SLC35F1: variants seen among roughly 807,000 people sequenced by gnomAD.
SLC35F1 encodes chromosome 6 open reading frame 169.
In SLC35F1, 14 loss-of-function variants were observed where a neutral mutation model predicts 48.7. That is an observed-to-expected ratio of 0.29 (90% CI 0.19 to 0.45). The LOEUF (loss-of-function observed/expected upper bound fraction) is 0.45, where lower values mean the gene tolerates loss of function less well. Among genes scored for constraint, SLC35F1 ranks in the 20% least tolerant of loss-of-function variants. The pLI is 1.00. For missense variants in SLC35F1, 404 were observed against 500.0 expected (o/e 0.81, Z 1.83); for synonymous variants, 190 against 202.2 (o/e 0.94, Z 0.51).
Position 117,971,607 on chromosome 6 carries a change from T to C in SLC35F1, c.173+63708T>C, listed in dbSNP as rs144409410. Among the ~76,000 whole-genome samples, 1,185 of 152,372 alleles carry C rather than the reference T, an allele frequency of 7.8e-3. 18 individuals are homozygous for C. Among genetic ancestry groups the C allele is most frequent in the African/African-American group, 0.027 (1,126 of 41,580 alleles). On this transcript the variant is annotated intron_variant, in intron 1 of 7. Coordinates refer to ENST00000360388, the MANE Select transcript of SLC35F1 (RefSeq NM_001029858.4). ...GCTTCTGCCTGGACATCCAGTCATT[T>C]CCATACATCCTCTGAAATCTAAGTG...
At chr6:118,074,740 C>A (rs1772792881) in intron 1 of SLC35F1, among the ~76,000 whole-genome samples, 1 of 152,170 alleles carries the variant, frequency 6.6e-6, no homozygotes, top group Non-Finnish European at 1.5e-5. Flanking sequence ...GCGTTGACCT[C>A]CTGGGCTCAA....
At chr6:118,291,341 T>TA (rs1554245312) in intron 7 of SLC35F1, among the ~76,000 whole-genome samples, 2 of 151,270 alleles carry the variant, frequency 1.3e-5, no homozygotes, top group Admixed American at 6.6e-5. Context: ...GGAAGATACA[T>TA]AAAAAAAGTC....
intron 1 of SLC35F1, among the ~76,000 whole-genome samples, chr6:118,116,870 G>A (rs935326885): frequency 1.9e-4 from 29 of 152,082 alleles, no homozygotes; most frequent in Admixed American, 5.2e-4. Flanking sequence ...ATTGAGTGAC[G>A]CCTTGGAGAT....
At chr6:118,202,932 G>A (rs1774889930) in intron 2 of SLC35F1, among the ~76,000 whole-genome samples, 1 of 152,158 alleles carries the variant, frequency 6.6e-6, no homozygotes, top group South Asian at 2.1e-4. Context: ...CAGTTTAAGT[G>A]GTAATTCCAA....
At chr6:118,294,831 A>G (rs1258700821) in intron 7 of SLC35F1, among the ~76,000 whole-genome samples, 1 of 152,016 alleles carries the variant, frequency 6.6e-6, no homozygotes, top group Non-Finnish European at 1.5e-5. Flanking sequence ...AAAAAAAAAA[A>G]GAGAGATTTC....
chr6:118,096,790 G>C (rs1273023246), intron 1 of SLC35F1, among the ~76,000 whole-genome samples: 1 of 152,052 alleles, frequency 6.6e-6, no homozygotes, highest in East Asian at 1.9e-4. Flanking sequence ...GAATCATGAT[G>C]GGAAACATAT....
chr6:117,976,730 C>G (rs1776709836), intron 1 of SLC35F1, among the ~76,000 whole-genome samples: 1 of 152,178 alleles, frequency 6.6e-6, no homozygotes. Flanking sequence ...CCCCTGATTT[C>G]AAAAGTAGTA....
chr6:118,283,824 T>C (rs1776014793), intron 6 of SLC35F1, among the ~76,000 whole-genome samples: 1 of 152,186 alleles, frequency 6.6e-6, no homozygotes, highest in African/African-American at 2.4e-5. Context: ...GAAACCCACA[T>C]GCAGAAAAAC....
intron 2 of SLC35F1, among the ~76,000 whole-genome samples, chr6:118,182,560 G>GAAGGAAGGAAGGAAGT: frequency 6.8e-6 from 1 of 147,214 alleles, no homozygotes; most frequent in African/African-American, 2.6e-5. Context: ...AGGAAGGAAG[G>GAAGGAAGGAAGGAAGT]AAGAAAAAAA....
At chr6:118,275,827 G>T (rs1213155997) in intron 5 of SLC35F1, among the ~76,000 whole-genome samples, 3 of 152,060 alleles carry the variant, frequency 2.0e-5, no homozygotes, top group Non-Finnish European at 4.4e-5. Flanking sequence ...AACACTTAAT[G>T]TTTATAAAAC....
At chr6:118,052,536 C>T (rs1485443300) in intron 1 of SLC35F1, among the ~76,000 whole-genome samples, 1 of 152,154 alleles carries the variant, frequency 6.6e-6, no homozygotes, top group African/African-American at 2.4e-5. Context: ...TGGAAACCAG[C>T]ACAGAATTTT....
chr6:118,071,766 C>A (rs1326379235), intron 1 of SLC35F1, among the ~76,000 whole-genome samples: 3 of 152,104 alleles, frequency 2.0e-5, no homozygotes, highest in African/African-American at 4.8e-5. Flanking sequence ...CTTTTAAGCA[C>A]CTGCTATGGC....
intron 1 of SLC35F1, among the ~76,000 whole-genome samples, chr6:117,987,895 A>G (rs955878153): frequency 6.6e-6 from 1 of 152,228 alleles, no homozygotes; most frequent in African/African-American, 2.4e-5. Context: ...CAGTCCAGGC[A>G]GTGAACTTTC....
intron 1 of SLC35F1, among the ~76,000 whole-genome samples, chr6:118,013,714 T>A (rs1431042000): frequency 6.6e-6 from 1 of 152,060 alleles, no homozygotes; most frequent in African/African-American, 2.4e-5. Context: ...TGGATTGTTA[T>A]TTTTTTTCAT....
chr6:117,959,681 T>C (rs1325736670), intron 1 of SLC35F1, among the ~76,000 whole-genome samples: 1 of 152,164 alleles, frequency 6.6e-6, no homozygotes, highest in Non-Finnish European at 1.5e-5. Context: ...GAATGCACAA[T>C]GGCATTTGAA....
chr6:118,119,509 C>T (rs567498059), intron 1 of SLC35F1, among the ~76,000 whole-genome samples: 2 of 120,874 alleles, frequency 1.7e-5, no homozygotes, highest in Non-Finnish European at 3.4e-5. Context: ...CCCTCCACCC[C>T]GCTTTTTTTT....
intron 2 of SLC35F1, among the ~76,000 whole-genome samples, chr6:118,215,242 G>T (rs1280310432): frequency 6.6e-6 from 1 of 152,116 alleles, no homozygotes; most frequent in Non-Finnish European, 1.5e-5. Flanking sequence ...CAGACCGCAA[G>T]GTATTGAGGT....
At chr6:118,178,792 C>T (rs1774530157) in intron 2 of SLC35F1, among the ~76,000 whole-genome samples, 1 of 152,082 alleles carries the variant, frequency 6.6e-6, no homozygotes, top group African/African-American at 2.4e-5. Context: ...AAACCCAGGT[C>T]TGTGATTGAC....
chr6:118,304,594 A>G (rs1046969104), intron 7 of SLC35F1, among the ~76,000 whole-genome samples: 2 of 152,178 alleles, frequency 1.3e-5, no homozygotes, highest in African/African-American at 4.8e-5. Context: ...AACTTTTCAG[A>G]AAGGCATCTG....
Sources: gnomAD v4.1 joint callset for allele counts (sites outside exome capture counted in the v4.1 genomes callset) on GRCh38, gnomAD v4.1.1 for gene constraint, MANE v1.5 for transcripts, NCBI Gene and HGNC (gene_info 2026-07-23, HGNC 2026-07-21) for gene names.